C6orf118: variants seen among roughly 807,000 people sequenced by gnomAD.
C6orf118 encodes uncharacterized protein C6orf118.
Under a neutral mutation model 50.2 loss-of-function variants are expected in C6orf118, and 50 were observed. The observed-to-expected ratio is 1.00, with a 90% CI of 0.79 to 1.26. The LOEUF (loss-of-function observed/expected upper bound fraction) is 1.26. Among genes scored for constraint, C6orf118 ranks in the 50% most tolerant of loss-of-function variants. C6orf118 has a pLI of 0.00. For missense variants in C6orf118, 641 were observed against 578.7 expected (o/e 1.11, Z -1.10); for synonymous variants, 239 against 230.9 (o/e 1.03, Z -0.32).
chr6:165,290,475 G>A (rs987781178), intron 6 of C6orf118, among the ~76,000 whole-genome samples: 10 of 152,088 alleles, frequency 6.6e-5, no homozygotes, highest in African/African-American at 2.4e-4. Flanking sequence ...GACTTTGCCA[G>A]AGAAGTGTGG....
intron 5 of C6orf118, 79 bp downstream of exon 5, chr6:165,297,898 C>A: frequency 6.3e-7 from 1 of 1,592,642 alleles, no homozygotes; most frequent in Non-Finnish European, 8.6e-7. Flanking sequence ...ATCAATGTAA[C>A]CGTAGGCTTG....
intron 5 of C6orf118, among the ~76,000 whole-genome samples, chr6:165,295,061 C>G (rs187568702): frequency 6.6e-6 from 1 of 152,070 alleles, no homozygotes; most frequent in Non-Finnish European, 1.5e-5. Context: ...TTTAATTATA[C>G]GTGAATTGGA....
intron 8 of C6orf118, 97 bp downstream of exon 8, chr6:165,281,543 A>G (rs942223421): frequency 2.9e-5 from 41 of 1,428,980 alleles, no homozygotes; most frequent in Middle Eastern, 1.8e-4. Flanking sequence ...TAACCTACAA[A>G]GAATTACGAT....
rs1396577385 is a variant in C6orf118, at chr6:165,302,235, G to A, written c.87C>T (p.His29=). Reference sequence around the variant, plus strand: ...GGGTCTTCACTCCTGGCGTCTCGCAGTGCTTCAGATTACACAGGGTCTTCA... The same window carrying A: ...GGGTCTTCACTCCTGGCGTCTCGCAATGCTTCAGATTACACAGGGTCTTCA... ...PGVKTLCNLK[H]CETPGVKTLC... Residue 29 remains histidine (H), a synonymous_variant, in exon 2 of 9, where the codon CAC becomes CAT. Transcript: ENST00000230301. The A allele has an allele frequency of 1.2e-6, 2 of 1,613,770 alleles. No individual in the cohort carries two copies. Among genetic ancestry groups the A allele is most frequent in the Non-Finnish European group, 1.7e-6 (2 of 1,179,912 alleles).
At position 165,301,993 on chromosome 6, in the gene C6orf118, G is replaced by T; in HGVS notation, c.329C>A (p.Ala110Asp). 1 of 1,613,592 alleles carries T rather than the reference G, an allele frequency of 6.2e-7. No individual in the cohort carries two copies. Among genetic ancestry groups the T allele is most frequent in the East Asian group, 2.2e-5 (1 of 44,834 alleles). The change falls in exon 2 of 9, where the codon GCC becomes GAC. Residue 110 changes from alanine to aspartate, a missense_variant. Transcript: ENST00000230301. Reference sequence around the variant, plus strand: ...CAGGGCCGTGTGGATGGTGAAGTGGGCCAGGGCCTCCTTCATCCTCGCCAC... The same window carrying T: ...CAGGGCCGTGTGGATGGTGAAGTGGTCCAGGGCCTCCTTCATCCTCGCCAC... ...GKVARMKEAL[A>D]HFTIHTALVP...
intron 1 of C6orf118, among the ~76,000 whole-genome samples, chr6:165,303,383 T>A (rs1470162505): frequency 6.7e-6 from 1 of 150,300 alleles, no homozygotes; most frequent in African/African-American, 2.5e-5. Context: ...GATCCAAAAT[T>A]GACACCCTAA....
intron 7 of C6orf118, among the ~76,000 whole-genome samples, chr6:165,285,034 A>G (rs1292404511): frequency 6.6e-6 from 1 of 152,204 alleles, no homozygotes; most frequent in Non-Finnish European, 1.5e-5. Context: ...CTAGATAAAG[A>G]GTCAAGACCC....
intron 5 of C6orf118, among the ~76,000 whole-genome samples, chr6:165,294,278 A>AC (rs1482805513): frequency 1.3e-5 from 2 of 150,274 alleles, no homozygotes; most frequent in African/African-American, 5.0e-5. Context: ...CAAAAAAAAA[A>AC]AAAGTAAATA....
chr6:165,289,796 A>T, intron 7 of C6orf118, 90 bp downstream of exon 7: 2 of 770,566 alleles, frequency 2.6e-6, no homozygotes, highest in Non-Finnish European at 3.8e-6. Flanking sequence ...TGATTTTTTT[A>T]CCCTATTACC....
chr6:165,280,902 T>C (rs1779707266), intron 8 of C6orf118, among the ~76,000 whole-genome samples: 1 of 152,180 alleles, frequency 6.6e-6, no homozygotes, highest in Non-Finnish European at 1.5e-5. Context: ...AAAATCTTTT[T>C]CCTGTTGATA....
intron 5 of C6orf118, among the ~76,000 whole-genome samples, chr6:165,297,056 C>T (rs1780335169): frequency 6.6e-6 from 1 of 152,178 alleles, no homozygotes; most frequent in African/African-American, 2.4e-5. Flanking sequence ...TGAGAATATC[C>T]TCCACCAGCC....
intron 7 of C6orf118, 112 bp downstream of exon 7, chr6:165,289,774 G>T: frequency 5.2e-6 from 3 of 572,204 alleles, no homozygotes; most frequent in Non-Finnish European, 2.8e-6. Context: ...AGTACATTTG[G>T]GCCAAATTTT....
chr6:165,302,694 A>G (rs1780605380), intron 1 of C6orf118, among the ~76,000 whole-genome samples: 1 of 152,166 alleles, frequency 6.6e-6, no homozygotes, highest in Admixed American at 6.5e-5. Flanking sequence ...CGGCCGGGGA[A>G]TTCAGAAAGG....
chr6:165,300,335 C>A (rs1780471269), intron 3 of C6orf118, 29 bp downstream of exon 3: 1 of 1,612,534 alleles, frequency 6.2e-7, no homozygotes, highest in African/African-American at 1.3e-5. Flanking sequence ...AGCTTCTCAA[C>A]TGTTATGCTG....
intron 1 of C6orf118, among the ~76,000 whole-genome samples, chr6:165,307,021 C>G (rs575721964): frequency 6.6e-6 from 1 of 152,156 alleles, no homozygotes; most frequent in South Asian, 2.1e-4. Context: ...GACTCTCTTA[C>G]AAAGATTTGA....
rs56394079 is a variant in C6orf118 at position 165,296,250 on chromosome 6, G to GTTTTTTTTTTTTTTTTTTTTTT, written c.1061+1705_1061+1726dup. ...GTTGTTGTTGTTGTTTTCGTTTTTT[G>GTTTTTTTTTTTTTTTTTTTTTT]TTTTTTTTTTTTTTTTTTTTTTTTT... On this transcript the variant is annotated intron_variant, in intron 5 of 8. Transcript: ENST00000230301. Among the ~76,000 whole-genome samples, 72 of 103,360 alleles carry GTTTTTTTTTTTTTTTTTTTTTT rather than the reference G, an allele frequency of 7.0e-4. 2 individuals carry two copies. The highest frequency in any genetic ancestry group is 1.9e-3 in the East Asian group (5 of 2,624). The allele number at this position is 103,360 out of a possible 152,430, so 67.8% of individuals were successfully genotyped here.
At chr6:165,299,326 T>C in intron 4 of C6orf118, 117 bp downstream of exon 4, 1 of 789,384 alleles carries the variant, frequency 1.3e-6, no homozygotes. Flanking sequence ...ATATCAGCTA[T>C]TCTAAATTAT....
Position 165,301,665 on chromosome 6 carries a change from C to G in C6orf118, c.657G>C (p.Leu219=). The change falls in exon 2 of 9, where the codon CTG becomes CTC. Residue 219 remains leucine (L), a synonymous_variant. Transcript: ENST00000230301. ...ATSADRYRMF[L]RFQKEVLAKQ... is the part of the protein sequence containing the mutation. ...TGGCGAGCACTTCCTTCTGGAAACGCAGGAACATCCTGTACCTGTCTGCGC... is the reference window on the plus strand; with the variant it reads ...TGGCGAGCACTTCCTTCTGGAAACGGAGGAACATCCTGTACCTGTCTGCGC... 1.2e-6 allele frequency: 2 copies of G among 1,614,200 alleles called. No homozygotes were observed. The highest frequency in any genetic ancestry group is 2.2e-5 in the South Asian group (2 of 91,082).
intron 5 of C6orf118, among the ~76,000 whole-genome samples, chr6:165,296,067 T>C (rs1387345511): frequency 6.6e-6 from 1 of 152,024 alleles, no homozygotes; most frequent in African/African-American, 2.4e-5. Context: ...TCCACTGTTC[T>C]CTCTTCCATG....
Sources: allele counts gnomAD v4.1 joint callset (sites outside exome capture counted in the v4.1 genomes callset), GRCh38; gene constraint gnomAD v4.1.1; transcripts MANE v1.5; gene names NCBI Gene and HGNC (gene_info 2026-07-23, HGNC 2026-07-21).